CATSPERT: variants seen among roughly 807,000 people sequenced by gnomAD.
The protein encoded by CATSPERT is catsper channel auxiliary subunit tau, also known as cation channel sperm-associated targeting subunit tau.
At chr2:201,605,085 A>C in the CATSPERT span, among the ~76,000 whole-genome samples, 123,216 of 149,492 alleles carry the variant, frequency 0.82, 50,659 homozygotes, top group East Asian at 0.96. Flanking sequence ...CACATACACA[A>C]ACATATATAT....
the CATSPERT span, among the ~76,000 whole-genome samples, chr2:201,563,769 A>G: frequency 6.6e-6 from 1 of 152,240 alleles, no homozygotes; most frequent in African/African-American, 2.4e-5. Flanking sequence ...TTTCAGACCA[A>G]TCATCTCACT....
the CATSPERT span, among the ~76,000 whole-genome samples, chr2:201,602,459 T>A: frequency 6.6e-6 from 1 of 152,132 alleles, no homozygotes; most frequent in Non-Finnish European, 1.5e-5. Context: ...CAAATCTCCA[T>A]AATGAGGCTG....
chr2:201,573,897 T>C, the CATSPERT span, among the ~76,000 whole-genome samples: 1 of 152,168 alleles, frequency 6.6e-6, no homozygotes, highest in South Asian at 2.1e-4. Flanking sequence ...CCTCAGGTGA[T>C]TCACCCACCT....
chr2:201,560,317 G>A, the CATSPERT span, among the ~76,000 whole-genome samples: 1 of 151,674 alleles, frequency 6.6e-6, no homozygotes, highest in Non-Finnish European at 1.5e-5. Flanking sequence ...CCAGCTACTC[G>A]GAGGCTGAGG....
chr2:201,565,929 T>G, the CATSPERT span: 2 of 1,460,780 alleles, frequency 1.4e-6, no homozygotes, highest in South Asian at 2.7e-5. Flanking sequence ...ACTTCCAAAA[T>G]CAGTGGCAGC....
chr2:201,555,649 A>C, the CATSPERT span: 8 of 152,196 alleles, frequency 5.3e-5, no homozygotes, highest in Non-Finnish European at 1.0e-4. Flanking sequence ...CACCTCATCC[A>C]TACTATTCTT....
At chr2:201,615,108 G>A in the CATSPERT span, among the ~76,000 whole-genome samples, 1 of 152,106 alleles carries the variant, frequency 6.6e-6, no homozygotes, top group Non-Finnish European at 1.5e-5. Context: ...ATAATAATGG[G>A]AGCCTTTAAC....
chr2:201,571,375 T>A, the CATSPERT span, among the ~76,000 whole-genome samples: 1 of 152,170 alleles, frequency 6.6e-6, no homozygotes, highest in Non-Finnish European at 1.5e-5. Context: ...ATAGATTAAA[T>A]CTCTTTCTCA....
At chr2:201,582,344 T>G in the CATSPERT span, 6 of 889,252 alleles carry the variant, frequency 6.7e-6, no homozygotes, top group African/African-American at 1.8e-5. Flanking sequence ...GCATACTATA[T>G]TATGCAAATA....
the CATSPERT span, among the ~76,000 whole-genome samples, chr2:201,517,830 A>G: frequency 6.6e-6 from 1 of 152,212 alleles, no homozygotes; most frequent in African/African-American, 2.4e-5. Flanking sequence ...GAAAAAGTCA[A>G]AGAGTCACAA....
the CATSPERT span, chr2:201,495,776 A>AT: frequency 4.4e-6 from 2 of 455,688 alleles, no homozygotes; most frequent in Non-Finnish European, 7.4e-6. Context: ...GGGAATGTGT[A>AT]TTTTTTACAG....
the CATSPERT span, chr2:201,491,414 G>GT: frequency 6.5e-7 from 1 of 1,537,134 alleles, no homozygotes; most frequent in Non-Finnish European, 8.7e-7. Context: ...TGGAATGACT[G>GT]TATTTCAGGG....
chr2:201,513,770 C>T, the CATSPERT span, among the ~76,000 whole-genome samples: 43,640 of 152,012 alleles, frequency 0.29, 6,634 homozygotes, highest in Admixed American at 0.38. Context: ...AAATCATGTC[C>T]TTTGCAGCAA....
the CATSPERT span, chr2:201,555,635 C>T: frequency 1.3e-4 from 20 of 152,128 alleles, 1 homozygote; most frequent in African/African-American, 4.8e-4. Flanking sequence ...ATTGCCCATG[C>T]CCTCACCTCA....
chr2:201,617,369 A>G, the CATSPERT span, among the ~76,000 whole-genome samples: 2 of 152,184 alleles, frequency 1.3e-5, no homozygotes, highest in African/African-American at 2.4e-5. Context: ...GATATAGACC[A>G]ATGGAACAGA....
the CATSPERT span, among the ~76,000 whole-genome samples, chr2:201,610,333 C>T: frequency 1.3e-5 from 2 of 152,004 alleles, no homozygotes; most frequent in African/African-American, 2.4e-5. Flanking sequence ...TGGCGGGCGC[C>T]TGTAGTCTCA....
the CATSPERT span, among the ~76,000 whole-genome samples, chr2:201,561,890 A>G: frequency 1.5e-4 from 23 of 150,062 alleles, no homozygotes; most frequent in East Asian, 4.5e-3. Context: ...AAGGAAAGAA[A>G]AGGAAAAAAA....
At chr2:201,508,117 A>C in the CATSPERT span, among the ~76,000 whole-genome samples, 50 of 152,366 alleles carry the variant, frequency 3.3e-4, no homozygotes, top group Non-Finnish European at 6.0e-4. Context: ...GATGAGCTAT[A>C]TAGTCAAGAC....
the CATSPERT span, chr2:201,493,857 A>G: frequency 9.8e-6 from 15 of 1,536,356 alleles, no homozygotes; most frequent in Admixed American, 1.4e-4. Context: ...AATCTCTCTC[A>G]TCAGCTTCGA....
Sources: gnomAD v4.1 joint callset for allele counts (sites outside exome capture counted in the v4.1 genomes callset) on GRCh38, gnomAD v4.1.1 for gene constraint, MANE v1.5 for transcripts, NCBI Gene and HGNC (gene_info 2026-07-23, HGNC 2026-07-21) for gene names.